AMZ1: variants seen among roughly 807,000 people sequenced by gnomAD.
AMZ1 encodes archaelysin family metallopeptidase 1, also known as archaemetzincin-1.
Under a neutral mutation model 29.9 loss-of-function variants are expected in AMZ1, and 39 were observed. That is an observed-to-expected ratio of 1.30 (90% CI 1.01 to 1.70). AMZ1 has a LOEUF of 1.70. Among genes scored for constraint, AMZ1 ranks in the 40% most tolerant of loss-of-function variants. AMZ1 has a pLI of 0.00. For synonymous variants in AMZ1, 458 were observed against 304.0 expected (o/e 1.51, Z -5.27); for missense variants, 1,041 against 680.6 (o/e 1.53, Z -5.89).
chr7:2,722,341 C>T (rs192252638), downstream of AMZ1, among the ~76,000 whole-genome samples: 952 of 151,758 alleles, frequency 6.3e-3, 6 homozygotes, highest in Middle Eastern at 0.01. Flanking sequence ...GGCGCGATCT[C>T]GGCTCACTGC....
Position 2,712,459 on chromosome 7 carries a change from C to T in AMZ1, c.1078C>T (p.Pro360Ser), listed in dbSNP as rs1188868621. Reference protein sequence around the residue: ...SGMCCESDSEPGTSVSEPLTP... With the variant: ...SGMCCESDSESGTSVSEPLTP... Reference sequence around the variant, plus strand: ...CATGTGCTGTGAGAGTGACTCGGAGCCCGGCACCAGTGTGTCGGAGCCCCT... The same window carrying T: ...CATGTGCTGTGAGAGTGACTCGGAGTCCGGCACCAGTGTGTCGGAGCCCCT... The change falls in exon 7 of 7, where the codon CCC (proline) becomes TCC (serine). Residue 360 changes from proline to serine, a missense_variant. Coordinates refer to ENST00000683327, the MANE Select transcript of AMZ1 (RefSeq NM_001384743.1). The T allele has an allele frequency of 6.2e-7, 1 of 1,611,196 alleles. No homozygotes were observed.
At chr7:2,726,243 C>T (rs1207165060) in intron 4 of AMZ1, among the ~76,000 whole-genome samples, 4 of 152,348 alleles carry the variant, frequency 2.6e-5, no homozygotes, top group Non-Finnish European at 4.4e-5. Context: ...CCACCATCCC[C>T]GCAATTCTCG....
Position 2,712,397 on chromosome 7 carries a change from T to C in AMZ1, c.1016T>C (p.Val339Ala), listed in dbSNP as rs1788841066. 3.1e-6 allele frequency: 5 copies of C among 1,610,978 alleles called. No homozygotes were observed. In the South Asian group the frequency reaches 3.3e-5, roughly 11 times the overall value. ...AGCCAGGAGGCGGGGGAGCCGTCAG[T>C]GTGGGAGGACACCCCGCCTGCCAGC... ...WPSQEAGEPSVWEDTPPASAD... is the reference protein window; with the variant it reads ...WPSQEAGEPSAWEDTPPASAD... Residue 339 changes from valine (V) to alanine (A), a missense_variant, in exon 7 of 7, where the codon GTG becomes GCG. Transcript: ENST00000683327.
At chr7:2,706,181 T>A (rs567546477) in intron 3 of AMZ1, among the ~76,000 whole-genome samples, 1 of 152,286 alleles carries the variant, frequency 6.6e-6, no homozygotes, top group East Asian at 1.9e-4. Context: ...GCCTGGTTTT[T>A]AATTTTTTTT....
intron 4 of AMZ1, among the ~76,000 whole-genome samples, chr7:2,742,859 C>T (rs798513): frequency 0.4 from 61,455 of 152,066 alleles, 12,665 homozygotes; most frequent in Admixed American, 0.47. Context: ...AGAAATACAA[C>T]TGATTTCTGT....
chr7:2,763,139 T>C, upstream of AMZ1: 1 of 1,223,748 alleles, frequency 8.2e-7, no homozygotes. Context: ...CTCAGAAGCA[T>C]TTCTCGAATA....
At chr7:2,705,890 C>G (rs1788324329) in intron 3 of AMZ1, among the ~76,000 whole-genome samples, 1 of 152,244 alleles carries the variant, frequency 6.6e-6, no homozygotes, top group South Asian at 2.1e-4. Flanking sequence ...AGCCTCAGCT[C>G]TCCTCACCTC....
chr7:2,740,802 T>C (rs1371667627), intron 4 of AMZ1, among the ~76,000 whole-genome samples: 1 of 152,184 alleles, frequency 6.6e-6, no homozygotes, highest in Non-Finnish European at 1.5e-5. Flanking sequence ...CCCAGCACTT[T>C]GGGAGGCCGA....
chr7:2,759,256 T>C (rs564890520), intron 4 of AMZ1, among the ~76,000 whole-genome samples: 8 of 152,130 alleles, frequency 5.3e-5, no homozygotes, highest in African/African-American at 1.7e-4. Context: ...CATAAAATGG[T>C]TATACTGTCC....
chr7:2,699,934 G>A (rs887337202), intron 1 of AMZ1, among the ~76,000 whole-genome samples: 4 of 152,156 alleles, frequency 2.6e-5, no homozygotes, highest in Non-Finnish European at 5.9e-5. Flanking sequence ...TGCCCCTGCC[G>A]AGTGGGAGGT....
At chr7:2,759,743 G>A (rs968398105), upstream of AMZ1, among the ~76,000 whole-genome samples, 3 of 152,158 alleles carry the variant, frequency 2.0e-5, no homozygotes, top group African/African-American at 7.2e-5. Flanking sequence ...ATTTTAAAAA[G>A]AGCAAAAGAG....
chr7:2,728,496 T>G (rs1328444329), intron 4 of AMZ1: 2 of 152,392 alleles, frequency 1.3e-5, no homozygotes, highest in Non-Finnish European at 2.9e-5. Context: ...GAGTTAAAAA[T>G]AGATTTCAGT....
At chr7:2,761,706 G>C (rs1032852353), upstream of AMZ1, among the ~76,000 whole-genome samples, 1 of 152,148 alleles carries the variant, frequency 6.6e-6, no homozygotes, top group Non-Finnish European at 1.5e-5. Context: ...CCGAATCCTT[G>C]AATTTGCTTA....
In AMZ1 at chr7:2,712,434, C is replaced by T. The variant is rs745333333; in HGVS notation, c.1053C>T (p.Gly351=). ...EDTPPASADS[G]MCCESDSEPG... ...CCCCGCCTGCCAGCGCCGACTCGGGCATGTGCTGTGAGAGTGACTCGGAGC... is the reference window on the plus strand; with the variant it reads ...CCCCGCCTGCCAGCGCCGACTCGGGTATGTGCTGTGAGAGTGACTCGGAGC... The change falls in exon 7 of 7, where the codon GGC becomes GGT. Residue 351 remains glycine (G), a synonymous_variant. Coordinates refer to ENST00000683327, the MANE Select transcript of AMZ1 (RefSeq NM_001384743.1). 3.7e-6 allele frequency: 6 copies of T among 1,611,954 alleles called. No homozygotes were observed. Among genetic ancestry groups the T allele is most frequent in the Admixed American group, 1.7e-5 (1 of 59,968 alleles).
At chr7:2,763,149 A>G, upstream of AMZ1, 1 of 1,201,908 alleles carries the variant, frequency 8.3e-7, no homozygotes, top group African/African-American at 1.6e-5. Context: ...TTTCTCGAAT[A>G]TTCTGCTGAC....
chr7:2,695,152 G>A (rs1320562207), intron 1 of AMZ1, among the ~76,000 whole-genome samples: 1 of 152,140 alleles, frequency 6.6e-6, no homozygotes, highest in Admixed American at 6.5e-5. Flanking sequence ...GCCCACTACG[G>A]CCCTTTCCAT....
chr7:2,739,995 A>T (rs1254890505), intron 4 of AMZ1, among the ~76,000 whole-genome samples: 1 of 152,064 alleles, frequency 6.6e-6, no homozygotes, highest in Non-Finnish European at 1.5e-5. Flanking sequence ...TTCTGTGCTT[A>T]ATTTTCTGAA....
rs1180278804 is a variant in AMZ1 at position 2,731,236 on chromosome 7, T to C, written n.550+21420T>C. The C allele has an allele frequency of 5.0e-6, 8 of 1,613,398 alleles. No homozygotes were observed. Among genetic ancestry groups the C allele is most frequent in the Non-Finnish European group, 5.9e-6 (7 of 1,179,856 alleles). ...CTGCAGGATGGTGTCTTTCACAGCA[T>C]GGAACACGAAGCGGACGTTCTCGGT... On this transcript the variant is annotated intron_variant and non_coding_transcript_variant, in intron 4 of 4. Coordinates refer to the AMZ1 transcript ENST00000489665. This position sits in a 1 kb window ranked among gnomAD's most constrained non-coding sequence, Gnocchi z 6.0.
At position 2,718,872 on chromosome 7, in the gene AMZ1, A is replaced by G. The variant is rs1467992799; in HGVS notation, c.*5994A>G. ...GAGTCACAGAAACCACGGGAAACGG[A>G]GTGGGTTGGAAGAGGCAGAGAACAC... On this transcript the variant is annotated 3_prime_UTR_variant, in exon 7 of 7. Coordinates refer to ENST00000683327, the MANE Select transcript of AMZ1 (RefSeq NM_001384743.1). 6.6e-6 allele frequency among the ~76,000 whole-genome samples: 1 copy of G among 152,082 alleles called. No individual in the cohort carries two copies. Among genetic ancestry groups the G allele is most frequent in the Non-Finnish European group, 1.5e-5 (1 of 68,018 alleles).
Sources: allele counts gnomAD v4.1 joint callset (sites outside exome capture counted in the v4.1 genomes callset), GRCh38; gene constraint gnomAD v4.1.1; non-coding constraint Gnocchi (gnomAD v3.1); transcripts MANE v1.5; gene names NCBI Gene and HGNC (gene_info 2026-07-23, HGNC 2026-07-21).